The following CTNNA3 variants were observed in gnomAD, a reference collection of about 807,000 sequenced individuals.
CTNNA3 encodes the protein catenin alpha-3.
Under a neutral mutation model 95.7 loss-of-function variants are expected in CTNNA3, and 76 were observed. The ratio of observed to expected loss-of-function variants is 0.79; its 90% CI spans 0.66 to 0.96. The LOEUF (loss-of-function observed/expected upper bound fraction) is 0.96. CTNNA3 is among the 40% of genes least tolerant of loss of function. The probability of loss-of-function intolerance (pLI) is 0.00; values close to 1 mark genes in which losing one functional copy is unlikely to be tolerated. For missense variants in CTNNA3, 1,191 were observed against 1,089.8 expected, an observed-to-expected ratio of 1.09 and a Z score of -1.31; for synonymous variants, 431 against 374.4, an observed-to-expected ratio of 1.15 and a Z score of -1.74.
Position 65,979,704 on chromosome 10 carries a change from C to A in CTNNA3, c.2265+8988G>T, listed in dbSNP as rs572389310. ...TGAAGTGAACCTGAATAGATAATCACCCTAGGAGCATTTAAAACACTGTTT... is the reference window on the plus strand; with the variant it reads ...TGAAGTGAACCTGAATAGATAATCAACCTAGGAGCATTTAAAACACTGTTT... On this transcript the variant is annotated intron_variant, in intron 16 of 17. Transcript: ENST00000433211. 8.6e-5 allele frequency among the ~76,000 whole-genome samples: 13 copies of A among 151,918 alleles called. No individual in the cohort carries two copies. The East Asian group carries it at 9.7e-4, about 11-fold the overall frequency.
At chr10:66,349,633 T>C (rs999657945) in intron 12 of CTNNA3, among the ~76,000 whole-genome samples, 2 of 152,082 alleles carry the variant, frequency 1.3e-5, no homozygotes, top group Non-Finnish European at 2.9e-5. Context: ...CTTAAGAAAA[T>C]TGAATTATCA....
chr10:67,438,545 C>T (rs531464194), intron 5 of CTNNA3, among the ~76,000 whole-genome samples: 1 of 152,180 alleles, frequency 6.6e-6, no homozygotes, highest in African/African-American at 2.4e-5. Context: ...ATTTTAACAA[C>T]TAACTACACA....
At chr10:66,173,023 A>G (rs886409893) in intron 13 of CTNNA3, among the ~76,000 whole-genome samples, 1 of 152,174 alleles carries the variant, frequency 6.6e-6, no homozygotes, top group Non-Finnish European at 1.5e-5. Flanking sequence ...GAGGGAGTTT[A>G]AAGGGGAATA....
chr10:66,304,323 A>G (rs934338052), intron 12 of CTNNA3, among the ~76,000 whole-genome samples: 2 of 152,178 alleles, frequency 1.3e-5, no homozygotes, highest in Non-Finnish European at 2.9e-5. Context: ...AACCTTTTGG[A>G]AAACAATTTG....
At chr10:66,373,221 T>A (rs2092767342) in intron 12 of CTNNA3, among the ~76,000 whole-genome samples, 1 of 152,186 alleles carries the variant, frequency 6.6e-6, no homozygotes, top group Non-Finnish European at 1.5e-5. Context: ...TTTTCTTTTT[T>A]CTGACAAGTT....
intron 11 of CTNNA3, among the ~76,000 whole-genome samples, chr10:66,444,363 A>C (rs2093401062): frequency 6.6e-6 from 1 of 152,078 alleles, no homozygotes; most frequent in South Asian, 2.1e-4. Flanking sequence ...ACTCCAAGAC[A>C]CATAATTGTC....
At chr10:66,771,067 T>C (rs1226239469) in intron 8 of CTNNA3, among the ~76,000 whole-genome samples, 4 of 152,050 alleles carry the variant, frequency 2.6e-5, no homozygotes, top group Non-Finnish European at 2.9e-5. Context: ...AGCCTACATA[T>C]TTTTTTCTGA....
At chr10:66,115,523 ATGAT>A (rs1224959424) in intron 13 of CTNNA3, among the ~76,000 whole-genome samples, 1 of 134,074 alleles carries the variant, frequency 7.5e-6, no homozygotes, top group Non-Finnish European at 1.6e-5. Flanking sequence ...AGATAGATAG[ATGAT>A]AGATAGATAG....
At chr10:66,251,330 C>T (rs1174837405) in intron 13 of CTNNA3, among the ~76,000 whole-genome samples, 4 of 151,744 alleles carry the variant, frequency 2.6e-5, no homozygotes, top group Admixed American at 1.3e-4. Flanking sequence ...AAATCTGATA[C>T]TTGACAATGC....
At chr10:67,371,785 A>T (rs949384617) in intron 5 of CTNNA3, among the ~76,000 whole-genome samples, 10 of 152,172 alleles carry the variant, frequency 6.6e-5, no homozygotes, top group African/African-American at 2.4e-4. Context: ...CTAGTTCTAG[A>T]TCCCTGAAGA....
chr10:67,003,515 T>G (rs1017059018), intron 7 of CTNNA3, among the ~76,000 whole-genome samples: 47 of 152,316 alleles, frequency 3.1e-4, no homozygotes, highest in African/African-American at 1.1e-3. Context: ...TTCCCAATCC[T>G]TAGGATTCTC....
chr10:66,427,622 A>G (rs547689568), intron 11 of CTNNA3, among the ~76,000 whole-genome samples: 1 of 152,118 alleles, frequency 6.6e-6, no homozygotes, highest in African/African-American at 2.4e-5. Flanking sequence ...TTGTAAACAG[A>G]GGTGGAACAA....
chr10:67,502,011 T>A (rs970017924), intron 5 of CTNNA3, among the ~76,000 whole-genome samples: 1 of 152,168 alleles, frequency 6.6e-6, no homozygotes, highest in Non-Finnish European at 1.5e-5. Flanking sequence ...CCCTTGCTGG[T>A]GAAGAGTTGT....
At position 67,478,962 on chromosome 10, in the gene CTNNA3, T is replaced by C. The variant is rs1233820233; in HGVS notation, c.579+42880A>G. Among the ~76,000 whole-genome samples the C allele has an allele frequency of 5.4e-5, 8 of 148,818 alleles. No homozygotes were observed. In the East Asian group the frequency reaches 1.6e-3, roughly 29 times the overall value. ...ACAGAAAACAAAAAAACGGCGGGAGTTGGTATTCTTTTATCAGATAAAACC... is the reference window on the plus strand; with the variant it reads ...ACAGAAAACAAAAAAACGGCGGGAGCTGGTATTCTTTTATCAGATAAAACC... On this transcript the variant is annotated intron_variant, in intron 5 of 17. Transcript: ENST00000433211.
At chr10:66,102,065 T>G (rs2081655471) in intron 14 of CTNNA3, among the ~76,000 whole-genome samples, 1 of 152,138 alleles carries the variant, frequency 6.6e-6, no homozygotes, top group Non-Finnish European at 1.5e-5. Context: ...GCAGAGCTTG[T>G]ATAACAATAT....
At chr10:66,847,167 T>C (rs1034100492) in intron 7 of CTNNA3, among the ~76,000 whole-genome samples, 1 of 152,180 alleles carries the variant, frequency 6.6e-6, no homozygotes, top group African/African-American at 2.4e-5. Flanking sequence ...TCCATAGAGA[T>C]GTTATTTCAT....
intron 13 of CTNNA3, among the ~76,000 whole-genome samples, chr10:66,193,385 A>T (rs1240052086): frequency 6.6e-6 from 1 of 152,130 alleles, no homozygotes; most frequent in Non-Finnish European, 1.5e-5. Context: ...TTCAACAGGG[A>T]TGGAGGGCCT....
At chr10:66,149,803 C>T (rs35486889) in intron 13 of CTNNA3, among the ~76,000 whole-genome samples, 9 of 151,804 alleles carry the variant, frequency 5.9e-5, no homozygotes, top group Non-Finnish European at 1.2e-4. Flanking sequence ...TTTTTATAGT[C>T]TTTCACTTTA....
chr10:66,699,236 A>G (rs1193067779), intron 9 of CTNNA3, among the ~76,000 whole-genome samples: 1 of 152,192 alleles, frequency 6.6e-6, no homozygotes, highest in African/African-American at 2.4e-5. Context: ...ATATACCCAG[A>G]AAAGGGATTG....
Sources: gnomAD v4.1 joint callset for allele counts (sites outside exome capture counted in the v4.1 genomes callset) on GRCh38, gnomAD v4.1.1 for gene constraint, MANE v1.5 for transcripts, NCBI Gene and HGNC (gene_info 2026-07-23, HGNC 2026-07-21) for gene names.